The following SLITRK5 variants were observed in gnomAD, a reference collection of about 807,000 sequenced individuals.
SLITRK5 encodes SLIT and NTRK-like protein 5.
A neutral mutation model predicts 56.2 loss-of-function variants in SLITRK5; 23 were observed. The ratio of observed to expected loss-of-function variants is 0.41; its 90% CI spans 0.29 to 0.58. The LOEUF (loss-of-function observed/expected upper bound fraction) is 0.58, where lower values mean the gene tolerates loss of function less well. Ranked by LOEUF, SLITRK5 falls within the 20% of genes least tolerant of loss-of-function variation. The pLI is 0.30. For missense variants in SLITRK5, 1,289 were observed against 1,226.6 expected, an observed-to-expected ratio of 1.05 and a Z score of -0.76; for synonymous variants, 637 against 531.8, an observed-to-expected ratio of 1.20 and a Z score of -2.72.
intron 1 of SLITRK5, chr13:87,674,368 C>G: frequency 5.1e-6 from 5 of 984,944 alleles, no homozygotes; most frequent in Non-Finnish European, 6.0e-6. Context: ...TCCGTGCAAA[C>G]CTTGCTATTA....
chr13:87,675,455 C>A lies in SLITRK5; in HGVS notation c.67C>A (p.Leu23Met). 3 of 1,614,188 alleles carry A rather than the reference C, an allele frequency of 1.9e-6. No homozygotes were observed. The highest frequency in any genetic ancestry group is 2.5e-6 in the Non-Finnish European group (3 of 1,180,034). ...TCACAGAAAAATGCATAGCTGGATG[C>A]TGCAGACTCTAGCGTTTGCTGTAAC... ...DLHRKMHSWM[L>M]QTLAFAVTSL... The change falls in exon 2 of 2, where the codon CTG becomes ATG. Residue 23 changes from leucine to methionine, a missense_variant. Transcript: ENST00000683689.
Position 87,675,794 on chromosome 13 carries a change from C to T in SLITRK5, c.406C>T (p.Leu136=). The T allele has an allele frequency of 6.2e-7, 1 of 1,614,110 alleles. No homozygotes were observed. The highest frequency in any genetic ancestry group is 1.1e-5 in the South Asian group (1 of 91,076). The change falls in exon 2 of 2, where the codon CTA becomes TTA. Residue 136 remains leucine (L), a synonymous_variant. Transcript: ENST00000683689. ...GCTACGGGGTTTGAGGAGATTGCAT[C>T]TAAACAATAATAAACTGGAACTTCT... ...HGLRGLRRLH[L]NNNKLELLRD... is the part of the protein sequence containing the mutation.
rs1222326738 is a variant in SLITRK5, at chr13:87,676,958, G to A, written c.1570G>A (p.Val524Ile). Residue 524 changes from valine to isoleucine, a missense_variant, in exon 2 of 2, where the codon GTC (valine) becomes ATC (isoleucine). This residue lies in a region of SLITRK5 where 985 missense variants were observed against 906.0 expected (regional missense o/e 1.09). Coordinates refer to ENST00000683689, the MANE Select transcript of SLITRK5 (RefSeq NM_001384609.1). Reference sequence around the variant, plus strand: ...CCTCCTGCAGGCCATGCCCTCAGGCGTCTTCTCTGGCTTGACCCTCCTCAG... The same window carrying A: ...CCTCCTGCAGGCCATGCCCTCAGGCATCTTCTCTGGCTTGACCCTCCTCAG... ...NNLLQAMPSG[V>I]FSGLTLLRLN... The A allele has an allele frequency of 6.2e-7, 1 of 1,614,146 alleles. No individual in the cohort carries two copies. The highest frequency in any genetic ancestry group is 1.1e-5 in the South Asian group (1 of 91,078).
Position 87,675,556 on chromosome 13 carries a change from A to C in SLITRK5, c.168A>C (p.Glu56Asp). The change falls in exon 2 of 2, where the codon GAA becomes GAC. Residue 56 changes from glutamate (E) to aspartate (D), a missense_variant. This residue lies in a region of SLITRK5 where 291 missense variants were observed against 286.7 expected (regional missense o/e 1.02). Coordinates refer to ENST00000683689, the MANE Select transcript of SLITRK5 (RefSeq NM_001384609.1). ...GTGACAATGCATGTCCTTGTGAGGA[A>C]AAGGACGGCATTTTAACTGTGAGCT... ...EICDNACPCE[E>D]KDGILTVSCE... 1 of 1,614,178 alleles carries C rather than the reference A, an allele frequency of 6.2e-7. No homozygotes were observed. Among genetic ancestry groups the C allele is most frequent in the Non-Finnish European group, 8.5e-7 (1 of 1,180,038 alleles).
chr13:87,677,332 C>G lies in SLITRK5; in HGVS notation c.1944C>G (p.Ala648=), dbSNP rs1314664486. 6.2e-7 allele frequency: 1 copy of G among 1,614,000 alleles called. No homozygotes were observed. Among genetic ancestry groups the G allele is most frequent in the Non-Finnish European group, 8.5e-7 (1 of 1,180,018 alleles). ...TPAVRLNSTG[A]PASLGAGGGA... The stretch of plus-strand genomic sequence containing the variant: ...CGGTCCGGTTGAATAGCACCGGGGC[C>G]CCCGCGAGCTTGGGCGCAGGCGGAG... The change falls in exon 2 of 2, where the codon GCC becomes GCG. Residue 648 remains alanine, a synonymous_variant. Transcript: ENST00000683689. The surrounding 1 kb of genome is among the most constrained non-coding windows in gnomAD (Gnocchi z 4.7).
At chr13:87,673,087 T>C (rs1877113783) in intron 1 of SLITRK5, among the ~76,000 whole-genome samples, 2 of 151,854 alleles carry the variant, frequency 1.3e-5, no homozygotes, top group Middle Eastern at 3.4e-3. Flanking sequence ...GCCTGGGTGC[T>C]GGGCTCCAGT....
In SLITRK5 at chr13:87,676,171, T is replaced by A; in HGVS notation, c.783T>A (p.Asp261Glu). 2 of 1,614,028 alleles carry A rather than the reference T, an allele frequency of 1.2e-6. No homozygotes were observed. The highest frequency in any genetic ancestry group is 1.7e-6 in the Non-Finnish European group (2 of 1,180,012). Residue 261 changes from aspartate (D) to glutamate (E), a missense_variant, in exon 2 of 2, where the codon GAT (aspartate) becomes GAA (glutamate). Coordinates refer to ENST00000683689, the MANE Select transcript of SLITRK5 (RefSeq NM_001384609.1). ...TCTCCTATTCAGCCCTGGTGGGGGA[T>A]GTAGTTTGTGAGACCCCCTTCCGCT... is the stretch of plus-strand genomic sequence containing the variant. ...DSISYSALVG[D>E]VVCETPFRLH...
Position 87,676,518 on chromosome 13 carries a change from C to T in SLITRK5, c.1130C>T (p.Ala377Val), listed in dbSNP as rs750617705. 9 of 1,614,110 alleles carry T rather than the reference C, an allele frequency of 5.6e-6. No homozygotes were observed. The highest frequency in any genetic ancestry group is 6.8e-6 in the Non-Finnish European group (8 of 1,180,016). Residue 377 changes from alanine (A) to valine (V), a missense_variant, in exon 2 of 2, where the codon GCG becomes GTG. Physicochemically the swap from Ala to Val is moderately conservative, Grantham distance 64. Transcript: ENST00000683689. ...CCGGTGCCTTTGGAGTGTCCCACCG[C>T]GTGCTCTTGCAACCTGCAGATCTCT... ...KSPVPLECPT[A>V]CSCNLQISDL... is the part of the protein sequence containing the mutation.
chr13:87,675,496 G>C lies in SLITRK5; in HGVS notation c.108G>C (p.Ser36=), dbSNP rs1043442317. Residue 36 remains serine (S), a synonymous_variant, in exon 2 of 2, where the codon TCG becomes TCC. Transcript: ENST00000683689. ...LAFAVTSLVL[S]CAETIDYYGE... Reference sequence around the variant, plus strand: ...TTGCTGTAACATCTCTCGTCCTTTCGTGTGCAGAAACCATCGATTATTATG... The same window carrying C: ...TTGCTGTAACATCTCTCGTCCTTTCCTGTGCAGAAACCATCGATTATTATG... 1.2e-6 allele frequency: 2 copies of C among 1,614,114 alleles called. No individual in the cohort carries two copies. Among genetic ancestry groups the C allele is most frequent in the Non-Finnish European group, 1.7e-6 (2 of 1,180,018 alleles).
chr13:87,677,700 A>G lies in SLITRK5; in HGVS notation c.2312A>G (p.Asn771Ser). 2 of 1,607,130 alleles carry G rather than the reference A, an allele frequency of 1.2e-6. No homozygotes were observed. Among genetic ancestry groups the G allele is most frequent in the Non-Finnish European group, 1.7e-6 (2 of 1,174,726 alleles). The stretch of plus-strand genomic sequence containing the variant: ...CCCATCTACCGCTCCCGAGAGGGCA[A>G]CTCCGTAGAGGATTACAAAGACCTG... ...KNPIYRSREG[N>S]SVEDYKDLHE... is the part of the protein sequence containing the mutation. Residue 771 changes from asparagine to serine, a missense_variant, in exon 2 of 2, where the codon AAC becomes AGC. Coordinates refer to ENST00000683689, the MANE Select transcript of SLITRK5 (RefSeq NM_001384609.1). The surrounding 1 kb of genome is among the most constrained non-coding windows in gnomAD (Gnocchi z 4.7).
intron 1 of SLITRK5, chr13:87,672,854 GGTGT>G (rs67126449): frequency 0.13 from 16,818 of 127,674 alleles, 1,133 homozygotes; most frequent in Admixed American, 0.22. Flanking sequence ...TTGCAAAAGA[GGTGT>G]GTGTGTGTGT....
In SLITRK5 at chr13:87,678,473, C is replaced by G. The variant is rs1328324717; in HGVS notation, c.*208C>G. The G allele has an allele frequency of 5.1e-6, 3 of 590,806 alleles. No homozygotes were observed. The highest frequency in any genetic ancestry group is 1.9e-5 in the African/African-American group (1 of 53,682). The allele number at this position is 590,806 out of a possible 1,614,324, so 36.6% of individuals were successfully genotyped here. A position where few individuals can be genotyped will look rare whatever the true frequency, so the allele number is the denominator to read the frequency against. ...GGGAAACATTTGTGTAAACTGGGCA[C>G]ATCACTTTCTCTTCTTGCGTGTGGG... On this transcript the variant is annotated 3_prime_UTR_variant, in exon 2 of 2. Coordinates refer to ENST00000683689, the MANE Select transcript of SLITRK5 (RefSeq NM_001384609.1).
rs1006684694 is a variant in SLITRK5, at chr13:87,678,136, C to T, written c.2748C>T (p.Leu916=). 1.2e-6 allele frequency: 2 copies of T among 1,614,128 alleles called. No homozygotes were observed. Among genetic ancestry groups the T allele is most frequent in the African/African-American group, 2.7e-5 (2 of 74,958 alleles). The change falls in exon 2 of 2, where the codon CTC becomes CTT. Residue 916 remains leucine, a synonymous_variant. Transcript: ENST00000683689. ...ACAGCAGGCTACGGGAACCGGTGCT[C>T]TACAGCCCCCCGAGTGCTGTCTTTG... The part of the protein sequence containing the change: ...AGDSRLREPV[L]YSPPSAVFVE...
Position 87,678,348 on chromosome 13 carries a change from T to C in SLITRK5, c.*83T>C. 7.5e-7 allele frequency: 1 copy of C among 1,341,720 alleles called. No individual in the cohort carries two copies. The highest frequency in any genetic ancestry group is 1.4e-5 in the South Asian group (1 of 70,428). The allele number at this position is 1,341,720 out of a possible 1,614,324, so 83.1% of individuals were successfully genotyped here. ...CACAGTGAACACATTTGATTAATTG[T>C]GTTGTTTCAACGTTTAGGGTGAAGT... is the stretch of plus-strand genomic sequence containing the variant. On this transcript the variant is annotated 3_prime_UTR_variant, in exon 2 of 2. Transcript: ENST00000683689.
chr13:87,675,622 T>C lies in SLITRK5; in HGVS notation c.234T>C (p.Pro78=). The part of the protein sequence containing the change: ...RGIISLSEIS[P]PRFPIYHLLL... ...TCATCAGTCTCTCTGAAATTAGCCC[T>C]CCCCGTTTCCCAATCTACCACCTCT... Residue 78 remains proline (P), a synonymous_variant, in exon 2 of 2, where the codon CCT becomes CCC. Transcript: ENST00000683689. The C allele has an allele frequency of 1.2e-6, 2 of 1,614,108 alleles. No individual in the cohort carries two copies. Among genetic ancestry groups the C allele is most frequent in the Non-Finnish European group, 1.7e-6 (2 of 1,180,016 alleles).
Position 87,676,862 on chromosome 13 carries a change from C to T in SLITRK5, c.1474C>T (p.Leu492Phe). ...SLQYLFLQYN[L>F]IREIQSGTFD... Reference sequence around the variant, plus strand: ...GCAGTATCTCTTCCTCCAGTACAATCTCATCCGCGAGATTCAGTCTGGAAC... The same window carrying T: ...GCAGTATCTCTTCCTCCAGTACAATTTCATCCGCGAGATTCAGTCTGGAAC... The change falls in exon 2 of 2, where the codon CTC becomes TTC. Residue 492 changes from leucine (L) to phenylalanine (F), a missense_variant. By Grantham distance (22) the Leu-to-Phe change is conservative (BLOSUM62 0). Around this residue, in one of 3 missense-constraint regions of SLITRK5, gnomAD observed 985 missense variants for 906.0 expected, o/e 1.09. Coordinates refer to ENST00000683689, the MANE Select transcript of SLITRK5 (RefSeq NM_001384609.1). 6.2e-7 allele frequency: 1 copy of T among 1,614,142 alleles called. No individual in the cohort carries two copies. The highest frequency in any genetic ancestry group is 8.5e-7 in the Non-Finnish European group (1 of 1,180,024).
At chr13:87,674,007 A>AACACACACACAC (rs71101016) in intron 1 of SLITRK5, among the ~76,000 whole-genome samples, 22 of 142,494 alleles carry the variant, frequency 1.5e-4, no homozygotes, top group African/African-American at 5.6e-4. Context: ...CGCACACACA[A>AACACACACACAC]ACACACACAC....
chr13:87,677,774 C>CAGA lies in SLITRK5; in HGVS notation c.2388_2389insAAG (p.Gln796_Gln797insLys). 6.2e-7 allele frequency: 1 copy of CAGA among 1,610,178 alleles called. No homozygotes were observed. Among genetic ancestry groups the CAGA allele is most frequent in the Non-Finnish European group, 8.5e-7 (1 of 1,178,558 alleles). Reference sequence around the variant, plus strand: ...CAGCAACCACCACCTGCAGCAGCAGCAGCAGCCGCCGCCGCCACCGCAGCA... The same window carrying CAGA: ...CAGCAACCACCACCTGCAGCAGCAGCAGAAGCAGCCGCCGCCGCCACCGCAGCA... On this transcript the variant is annotated inframe_insertion, in exon 2 of 2. Coordinates refer to ENST00000683689, the MANE Select transcript of SLITRK5 (RefSeq NM_001384609.1). This position sits in a 1 kb window ranked among gnomAD's most constrained non-coding sequence, Gnocchi z 4.7.
Position 87,679,288 on chromosome 13 carries a change from T to G in SLITRK5, c.*1023T>G, listed in dbSNP as rs1016878243. The G allele has an allele frequency of 2.4e-5, 4 of 167,102 alleles. No homozygotes were observed. Among genetic ancestry groups the G allele is most frequent in the Admixed American group, 2.0e-4 (3 of 15,278 alleles). 10.4% of individuals were successfully genotyped at this position (167,102 alleles called of 1,614,324 possible). On this transcript the variant is annotated 3_prime_UTR_variant, in exon 2 of 2. Coordinates refer to ENST00000683689, the MANE Select transcript of SLITRK5 (RefSeq NM_001384609.1). ...TTCCGAGAGAATTGTTTGCAAGTTT[T>G]GGGTTTTATTAGAAAATATTTGAAA...
Sources: allele counts gnomAD v4.1 joint callset (sites outside exome capture counted in the v4.1 genomes callset), GRCh38; gene constraint gnomAD v4.1.1; regional missense constraint gnomAD v4.1.1; non-coding constraint Gnocchi (gnomAD v3.1); transcripts MANE v1.5; gene names NCBI Gene and HGNC (gene_info 2026-07-23, HGNC 2026-07-21).